Variants in BARX2 observed in about 807,000 individuals in gnomAD.
BARX2 encodes the protein homeobox protein BarH-like 2.
A neutral mutation model predicts 25.5 loss-of-function variants in BARX2; 11 were observed. The observed-to-expected ratio is 0.43, with a 90% CI of 0.27 to 0.71. BARX2 has a LOEUF of 0.71. Among genes scored for constraint, BARX2 ranks in the 30% least tolerant of loss-of-function variants. The probability of loss-of-function intolerance (pLI) is 0.19; values close to 1 mark genes in which losing one functional copy is unlikely to be tolerated. For synonymous variants in BARX2, 137 were observed against 149.5 expected (o/e 0.92, Z 0.61); for missense variants, 360 against 359.9 (o/e 1.00, Z 0.00).
At chr11:129,426,306 G>A (rs1250373911) in intron 1 of BARX2, among the ~76,000 whole-genome samples, 1 of 151,878 alleles carries the variant, frequency 6.6e-6, no homozygotes, top group Non-Finnish European at 1.5e-5. Flanking sequence ...CACTCAGCTC[G>A]CTCTCAGCAT....
At position 129,376,068 on chromosome 11, in the gene BARX2, G is replaced by A. The variant is rs139769726; in HGVS notation, c.33G>A (p.Ser11=). The A allele has an allele frequency of 3.4e-5, 54 of 1,605,088 alleles. No homozygotes were observed. In the African/African-American group the frequency reaches 6.9e-4, roughly 20 times the overall value. MHCHAELRLS[S]PGQLKAARRR... ...GCCACGCCGAGCTGAGGCTGAGCTC[G>A]CCCGGCCAGCTCAAAGCAGCCAGGC... Residue 11 remains serine, a synonymous_variant, in exon 1 of 4, where the codon TCG becomes TCA. Transcript: ENST00000281437. This position sits in a 1 kb window ranked among gnomAD's most constrained non-coding sequence, Gnocchi z 4.2.
At chr11:129,386,443 T>C (rs1300730310) in intron 1 of BARX2, among the ~76,000 whole-genome samples, 3 of 152,232 alleles carry the variant, frequency 2.0e-5, no homozygotes, top group African/African-American at 4.8e-5. Flanking sequence ...ATAATGTTGA[T>C]ATTGGCATGT....
intron 3 of BARX2, among the ~76,000 whole-genome samples, chr11:129,444,378 A>T (rs1401476306): frequency 6.6e-6 from 1 of 152,322 alleles, no homozygotes; most frequent in East Asian, 1.9e-4. Context: ...CTGAAATGAA[A>T]GGGTTTTCAA....
chr11:129,427,271 G>T (rs1381128264), intron 1 of BARX2, among the ~76,000 whole-genome samples: 3 of 152,146 alleles, frequency 2.0e-5, no homozygotes, highest in Non-Finnish European at 4.4e-5. Context: ...GAAAGACTTG[G>T]TAACCTGCTC....
intron 1 of BARX2, among the ~76,000 whole-genome samples, chr11:129,433,173 G>T (rs1411623032): frequency 6.6e-6 from 1 of 152,066 alleles, no homozygotes; most frequent in Non-Finnish European, 1.5e-5. Context: ...TCCCATCTTG[G>T]TAAAGGGCAC....
chr11:129,442,939 C>G lies in BARX2; in HGVS notation c.573+20C>G. The stretch of plus-strand genomic sequence containing the variant: ...AAAATGGTAAGAAAGGAGTGACTAA[C>G]CATGATCCCTTCCTGATGGGAAGGA... On this transcript the variant is annotated intron_variant, in intron 3 of 3. Coordinates refer to ENST00000281437, the MANE Select transcript of BARX2 (RefSeq NM_003658.5). The G allele has an allele frequency of 6.3e-7, 1 of 1,596,968 alleles. No homozygotes were observed. Among genetic ancestry groups the G allele is most frequent in the South Asian group, 1.1e-5 (1 of 90,704 alleles).
intron 2 of BARX2, among the ~76,000 whole-genome samples, chr11:129,440,660 C>T (rs948797792): frequency 9.8e-5 from 15 of 152,342 alleles, no homozygotes; most frequent in Non-Finnish European, 1.9e-4. Flanking sequence ...CTTCCAGGGT[C>T]CCCTGAAGGA....
intron 1 of BARX2, among the ~76,000 whole-genome samples, chr11:129,418,593 GTT>G (rs1861969536): frequency 6.6e-6 from 1 of 152,130 alleles, no homozygotes; most frequent in Admixed American, 6.5e-5. Flanking sequence ...CATTTCTACA[GTT>G]TGAAATTTTC....
chr11:129,408,638 G>A (rs561630727), intron 1 of BARX2, among the ~76,000 whole-genome samples: 150 of 152,130 alleles, frequency 9.9e-4, no homozygotes, highest in African/African-American at 3.2e-3. Context: ...TCAGCCTTTC[G>A]ATTTCTTCTG....
At position 129,451,158 on chromosome 11, in the gene BARX2, C is replaced by T. The variant is rs757561056; in HGVS notation, c.596C>T (p.Ala199Val). Reference protein sequence around the residue: ...KKMVLKGGQEAPTKPKGRPKK... With the variant: ...KKMVLKGGQEVPTKPKGRPKK... ...TAGGTTCTTAAAGGTGGACAGGAAGCACCCACAAAACCCAAAGGTCGCCCC... is the reference window on the plus strand; with the variant it reads ...TAGGTTCTTAAAGGTGGACAGGAAGTACCCACAAAACCCAAAGGTCGCCCC... Residue 199 changes from alanine to valine, a missense_variant, in exon 4 of 4, where the codon GCA (alanine) becomes GTA (valine). Ala to Val is a moderately conservative substitution (Grantham distance 64). Transcript: ENST00000281437. 2 of 1,613,990 alleles carry T rather than the reference C, an allele frequency of 1.2e-6. No homozygotes were observed. The highest frequency in any genetic ancestry group is 1.7e-6 in the Non-Finnish European group (2 of 1,179,938).
At chr11:129,432,413 A>G (rs567950612) in intron 1 of BARX2, among the ~76,000 whole-genome samples, 121 of 152,330 alleles carry the variant, frequency 7.9e-4, no homozygotes, top group African/African-American at 2.6e-3. Flanking sequence ...GTTTCTTTTA[A>G]AAGAATGAAT....
Position 129,436,317 on chromosome 11 carries a change from G to A in BARX2, c.188-434G>A, listed in dbSNP as rs1862188311. 1 of 166,382 alleles carries A rather than the reference G, an allele frequency of 6.0e-6. No homozygotes were observed. The highest frequency in any genetic ancestry group is 1.3e-5 in the Non-Finnish European group (1 of 78,116). 10.3% of individuals were successfully genotyped at this position (166,382 alleles called of 1,614,324 possible). On this transcript the variant is annotated intron_variant, in intron 1 of 3. Transcript: ENST00000281437. This position sits in a 1 kb window ranked among gnomAD's most constrained non-coding sequence, Gnocchi z 4.5. ...ACAGACTTCTCAGGAAGAATTCATA[G>A]CTACAAGCATGTCTTTTTATAAAGA...
In BARX2 at chr11:129,424,069, C is replaced by T. The variant is rs138042105; in HGVS notation, c.188-12682C>T. ...TTCACTATATTGGTGAGGCTGGCCTCGAACTCTTGACCTTGTGATCCTCCC... is the reference window on the plus strand; with the variant it reads ...TTCACTATATTGGTGAGGCTGGCCTTGAACTCTTGACCTTGTGATCCTCCC... On this transcript the variant is annotated intron_variant, in intron 1 of 3. Coordinates refer to ENST00000281437, the MANE Select transcript of BARX2 (RefSeq NM_003658.5). Among the ~76,000 whole-genome samples the T allele has an allele frequency of 1.2e-3, 187 of 152,258 alleles. 1 individual carries two copies. Among genetic ancestry groups the T allele is most frequent in the African/African-American group, 4.4e-3 (183 of 41,552 alleles).
At chr11:129,437,345 C>T (rs1217622957) in intron 2 of BARX2, 1 of 692,804 alleles carries the variant, frequency 1.4e-6, no homozygotes, top group Non-Finnish European at 1.9e-6. Context: ...AATGGTTGCT[C>T]AGGCGGTCAG....
chr11:129,435,623 A>T (rs960095788), intron 1 of BARX2, among the ~76,000 whole-genome samples: 10 of 152,194 alleles, frequency 6.6e-5, no homozygotes, highest in Non-Finnish European at 1.5e-4. Context: ...CAGATATCAA[A>T]TGGGGAGGAT....
chr11:129,420,480 C>T (rs1338143776), intron 1 of BARX2, among the ~76,000 whole-genome samples: 2 of 152,182 alleles, frequency 1.3e-5, no homozygotes, highest in Non-Finnish European at 2.9e-5. Flanking sequence ...TTGTTTAATG[C>T]CCTCTGCCTC....
At chr11:129,445,897 T>C (rs775390192) in intron 3 of BARX2, among the ~76,000 whole-genome samples, 7 of 152,098 alleles carry the variant, frequency 4.6e-5, no homozygotes, top group Non-Finnish European at 8.8e-5. Flanking sequence ...TCTGTTTAGG[T>C]ACCAGGGAGG....
At chr11:129,422,874 T>C (rs572378320) in intron 1 of BARX2, among the ~76,000 whole-genome samples, 1 of 152,080 alleles carries the variant, frequency 6.6e-6, no homozygotes, top group South Asian at 2.1e-4. Flanking sequence ...TAGCTAATTT[T>C]GTATTTTTAA....
At chr11:129,400,116 T>C (rs895898064) in intron 1 of BARX2, among the ~76,000 whole-genome samples, 1 of 152,108 alleles carries the variant, frequency 6.6e-6, no homozygotes, top group African/African-American at 2.4e-5. Context: ...GCACCTTCAT[T>C]TGGGAGAGGA....
Sources: gnomAD v4.1 joint callset for allele counts (sites outside exome capture counted in the v4.1 genomes callset) on GRCh38, gnomAD v4.1.1 for gene constraint, Gnocchi (gnomAD v3.1) non-coding constraint, MANE v1.5 for transcripts, NCBI Gene and HGNC (gene_info 2026-07-23, HGNC 2026-07-21) for gene names.